The following ZNF85 variants were observed in gnomAD, a reference collection of about 807,000 sequenced individuals.
ZNF85 encodes zinc finger protein 85.
In ZNF85, 50 loss-of-function variants were observed where a neutral mutation model predicts 53.9. That is an observed-to-expected ratio of 0.93 (90% CI 0.74 to 1.17). The LOEUF is 1.17. ZNF85 is among the 50% of genes most tolerant of loss of function. The probability of loss-of-function intolerance (pLI) is 0.00; values close to 1 mark genes in which losing one functional copy is unlikely to be tolerated. For synonymous variants in ZNF85, 225 were observed against 226.1 expected (o/e 1.00, Z 0.04); for missense variants, 747 against 688.5 (o/e 1.08, Z -0.95).
In ZNF85 at chr19:20,949,054, C is replaced by T. The variant is rs777440748; in HGVS notation, c.540C>T (p.Gly180=). ...KKKPFKCTKC[G]KSFGMISCLT... The stretch of plus-strand genomic sequence containing the variant: ...AACCTTTCAAATGTACAAAATGTGG[C>T]AAATCATTTGGCATGATTTCATGCC... Residue 180 remains glycine, a synonymous_variant, in exon 4 of 4, where the codon GGC becomes GGT. Transcript: ENST00000328178. 4.3e-6 allele frequency: 7 copies of T among 1,613,802 alleles called. No individual in the cohort carries two copies. The highest frequency in any genetic ancestry group is 5.9e-6 in the Non-Finnish European group (7 of 1,179,820).
Position 20,945,974 on chromosome 19 carries a change from C to T in ZNF85, c.230-2770C>T, listed in dbSNP as rs556345843. On this transcript the variant is annotated intron_variant, in intron 3 of 3. Coordinates refer to ENST00000328178, the MANE Select transcript of ZNF85 (RefSeq NM_003429.5). ...ATTAGTCTATGTTTTCAGCTTTATA[C>T]TTATACCAAGTTGTTTTAATTTTGT... 2.0e-5 allele frequency among the ~76,000 whole-genome samples: 3 copies of T among 151,388 alleles called. No homozygotes were observed. The East Asian group carries it at 5.8e-4, about 29-fold the overall frequency.
At chr19:20,945,073 T>C (rs1973388248) in intron 3 of ZNF85, among the ~76,000 whole-genome samples, 1 of 152,162 alleles carries the variant, frequency 6.6e-6, no homozygotes, top group Non-Finnish European at 1.5e-5. Flanking sequence ...AGAAACACTT[T>C]TGAATTTTAA....
chr19:20,925,670 G>A (rs1972864065), intron 1 of ZNF85, among the ~76,000 whole-genome samples: 1 of 152,180 alleles, frequency 6.6e-6, no homozygotes, highest in African/African-American at 2.4e-5. Flanking sequence ...CTGGGGCATA[G>A]TGTAGTGTCT....
In ZNF85 at chr19:20,923,334, G is replaced by A; in HGVS notation, c.-67G>A. Reference sequence around the variant, plus strand: ...CTGCTCGTGGACGCCCAGCCTCTGTGGCCCTGTGGCCTGCAGGTATTGGGA... The same window carrying A: ...CTGCTCGTGGACGCCCAGCCTCTGTAGCCCTGTGGCCTGCAGGTATTGGGA... On this transcript the variant is annotated 5_prime_UTR_variant, in exon 1 of 4. Coordinates refer to ENST00000328178, the MANE Select transcript of ZNF85 (RefSeq NM_003429.5). The A allele has an allele frequency of 6.2e-7, 1 of 1,611,568 alleles. No individual in the cohort carries two copies. The highest frequency in any genetic ancestry group is 8.5e-7 in the Non-Finnish European group (1 of 1,178,032).
chr19:20,946,428 T>C, intron 3 of ZNF85: 2 of 343,578 alleles, frequency 5.8e-6, no homozygotes, highest in Non-Finnish European at 1.1e-5. Context: ...CCTGTTGCCT[T>C]CTAATATTCT....
chr19:20,934,258 A>G (rs1342828985), intron 2 of ZNF85, 108 bp downstream of exon 2: 1 of 1,411,684 alleles, frequency 7.1e-7, no homozygotes, highest in Non-Finnish European at 9.6e-7. Context: ...TTAGTTTCAG[A>G]TCCCTGTTTT....
At position 20,937,177 on chromosome 19, in the gene ZNF85, G is replaced by A. The variant is rs149689141; in HGVS notation, c.229+2130G>A. 1.0e-4 allele frequency: 36 copies of A among 359,604 alleles called. 1 individual carries two copies. The highest frequency in any genetic ancestry group is 4.3e-4 in the African/African-American group (20 of 46,836). 22.3% of individuals were successfully genotyped at this position (359,604 alleles called of 1,614,324 possible). A position where few individuals can be genotyped will look rare whatever the true frequency, so the allele number is the denominator to read the frequency against. ...CTCCCAAGTAGCTGTGACTAAAGCCGTGCACCACAACGTCTGGCCAATTTT... is the reference window on the plus strand; with the variant it reads ...CTCCCAAGTAGCTGTGACTAAAGCCATGCACCACAACGTCTGGCCAATTTT... On this transcript the variant is annotated intron_variant, in intron 3 of 3. Transcript: ENST00000328178.
chr19:20,938,993 T>C (rs965004114), intron 3 of ZNF85, among the ~76,000 whole-genome samples: 1 of 152,130 alleles, frequency 6.6e-6, no homozygotes, highest in African/African-American at 2.4e-5. Flanking sequence ...TAAAACAAAA[T>C]TTATCTCGTT....
intron 1 of ZNF85, among the ~76,000 whole-genome samples, chr19:20,923,991 A>G (rs1002719755): frequency 6.6e-6 from 1 of 151,862 alleles, no homozygotes; most frequent in South Asian, 2.1e-4. Context: ...AGTTTGAGGC[A>G]GGAGAATCGC....
At chr19:20,948,707 A>G (rs1245789154) in intron 3 of ZNF85, 37 bp from the exon 4 acceptor site, 4 of 1,417,968 alleles carry the variant, frequency 2.8e-6, no homozygotes, top group Non-Finnish European at 3.8e-6. Context: ...ATCTAAGTCT[A>G]GCAAGTGGAG....
intron 1 of ZNF85, among the ~76,000 whole-genome samples, chr19:20,924,882 T>A (rs897686694): frequency 9.2e-5 from 14 of 152,296 alleles, no homozygotes; most frequent in Admixed American, 3.3e-4. Context: ...TGGGTCAAGG[T>A]TTCCGTTTGG....
intron 3 of ZNF85, chr19:20,943,208 A>T (rs1973340584): frequency 4.6e-6 from 1 of 219,502 alleles, no homozygotes; most frequent in East Asian, 9.4e-5. Context: ...TTGGTCTGTG[A>T]TGTGGTTTAG....
intron 3 of ZNF85, among the ~76,000 whole-genome samples, chr19:20,947,488 CTTTTTTTTTT>C (rs768097517): frequency 3.5e-4 from 18 of 51,638 alleles, no homozygotes; most frequent in Non-Finnish European, 5.5e-4. Flanking sequence ...TGCCAATACA[CTTTTTTTTTT>C]TTTTTTTTTT....
chr19:20,923,731 G>C (rs1329697947), intron 1 of ZNF85, among the ~76,000 whole-genome samples: 1 of 151,762 alleles, frequency 6.6e-6, no homozygotes, highest in African/African-American at 2.4e-5. Flanking sequence ...CTCGGGGTGC[G>C]GGTTCATGAA....
Position 20,949,221 on chromosome 19 carries a change from G to C in ZNF85, c.707G>C (p.Gly236Ala), listed in dbSNP as rs765299463. 1.2e-6 allele frequency: 2 copies of C among 1,613,066 alleles called. No individual in the cohort carries two copies. Among genetic ancestry groups the C allele is most frequent in the African/African-American group, 1.3e-5 (1 of 74,868 alleles). ...AAACCTTACAAATGTGAAGAATGTGGTAAAGCCTTTAACCAGTCCTCAAAC... is the reference window on the plus strand; with the variant it reads ...AAACCTTACAAATGTGAAGAATGTGCTAAAGCCTTTAACCAGTCCTCAAAC... ...GEKPYKCEEC[G>A]KAFNQSSNLI... The change falls in exon 4 of 4, where the codon GGT becomes GCT. Residue 236 changes from glycine (G) to alanine (A), a missense_variant. By Grantham distance (60) the Gly-to-Ala change is moderately conservative. Coordinates refer to ENST00000328178, the MANE Select transcript of ZNF85 (RefSeq NM_003429.5).
At chr19:20,924,852 A>G (rs1012942412) in intron 1 of ZNF85, among the ~76,000 whole-genome samples, 12 of 152,202 alleles carry the variant, frequency 7.9e-5, no homozygotes, top group African/African-American at 1.9e-4. Flanking sequence ...CTAGGCACAG[A>G]GTTCTTATCA....
chr19:20,950,289 A>T lies in ZNF85; in HGVS notation c.1775A>T (p.Lys592Ile). ...TKHKIIHTGE[K>I]LQI ...CATAAGATAATTCATACCGGAGAAA[A>T]ATTACAAATATGAAAATTATGGCAA... Residue 592 changes from lysine (K) to isoleucine (I), a missense_variant, in exon 4 of 4, where the codon AAA becomes ATA. By Grantham distance (102) the Lys-to-Ile change is moderately radical (BLOSUM62 -3). Transcript: ENST00000328178. 1 of 1,525,290 alleles carries T rather than the reference A, an allele frequency of 6.6e-7. No individual in the cohort carries two copies. The highest frequency in any genetic ancestry group is 8.8e-7 in the Non-Finnish European group (1 of 1,140,502). The allele number at this position is 1,525,290 out of a possible 1,614,324, so 94.5% of individuals were successfully genotyped here. A position where few individuals can be genotyped will look rare whatever the true frequency, so the allele number is the denominator to read the frequency against.
At chr19:20,930,463 A>T (rs1972989663) in intron 1 of ZNF85, among the ~76,000 whole-genome samples, 1 of 152,148 alleles carries the variant, frequency 6.6e-6, no homozygotes, top group Non-Finnish European at 1.5e-5. Context: ...TATGCAATTA[A>T]AAAAAATCAA....
At chr19:20,934,232 G>C in intron 2 of ZNF85, 82 bp downstream of exon 2, 1 of 1,536,734 alleles carries the variant, frequency 6.5e-7, no homozygotes, top group Non-Finnish European at 8.8e-7. Context: ...TTCTGGTAAA[G>C]TGTGCTTTGC....
Sources: allele counts gnomAD v4.1 joint callset (sites outside exome capture counted in the v4.1 genomes callset), GRCh38; gene constraint gnomAD v4.1.1; transcripts MANE v1.5; gene names NCBI Gene and HGNC (gene_info 2026-07-23, HGNC 2026-07-21).